GCNT4: variants seen among roughly 807,000 people sequenced by gnomAD.
GCNT4 encodes glucosaminyl (N-acetyl) transferase 4.
A neutral mutation model predicts 31.3 loss-of-function variants in GCNT4; 17 were observed. The observed-to-expected ratio is 0.54, with a 90% CI of 0.37 to 0.81. The LOEUF (loss-of-function observed/expected upper bound fraction) is 0.81. Among genes scored for constraint, GCNT4 ranks in the 40% least tolerant of loss-of-function variants. The probability of loss-of-function intolerance (pLI) is 0.00; values close to 1 mark genes in which losing one functional copy is unlikely to be tolerated. For synonymous variants in GCNT4, 158 were observed against 190.6 expected (o/e 0.83, Z 1.41); for missense variants, 503 against 525.5 (o/e 0.96, Z 0.42).
At chr5:75,049,424 GT>G (rs1473364287) in intron 2 of GCNT4, among the ~76,000 whole-genome samples, 1 of 152,018 alleles carries the variant, frequency 6.6e-6, no homozygotes, top group African/African-American at 2.4e-5. Context: ...ATCCAATCCT[GT>G]CTCCAAATGC....
chr5:75,032,897 G>GTGTGTGTGTA (rs1743101670), intron 3 of GCNT4, among the ~76,000 whole-genome samples: 1 of 112,538 alleles, frequency 8.9e-6, no homozygotes, highest in Non-Finnish European at 2.1e-5. Context: ...GTGTGTGTGT[G>GTGTGTGTGTA]TGTGTGTGTG....
chr5:75,029,972 G>T lies in GCNT4; in HGVS notation c.66C>A (p.Thr22=). 6.2e-7 allele frequency: 1 copy of T among 1,612,620 alleles called. No homozygotes were observed. Among genetic ancestry groups the T allele is most frequent in the South Asian group, 1.1e-5 (1 of 90,594 alleles). ...GCTTTAACAAAGAGAGCAGCCATAG[G>T]GTTAAAAACAGGATGAAAACTTTCT... ...LQQKVFILFL[T]LWLLSLLKLL... Residue 22 remains threonine, a synonymous_variant, in exon 4 of 4, where the codon ACC becomes ACA. Transcript: ENST00000652361.
upstream of GCNT4, chr5:75,052,944 G>C (rs1743615195): frequency 6.6e-6 from 1 of 152,118 alleles, no homozygotes; most frequent in South Asian, 2.1e-4. Flanking sequence ...CCCTGCTCCC[G>C]GCAAGGGCGC....
At position 75,029,008 on chromosome 5, in the gene GCNT4, G is replaced by A. The variant is rs776297225; in HGVS notation, c.1030C>T (p.Arg344Trp). The A allele has an allele frequency of 9.3e-6, 15 of 1,613,942 alleles. No individual in the cohort carries two copies. Among genetic ancestry groups the A allele is most frequent in the African/African-American group, 2.7e-5 (2 of 74,898 alleles). ...ATCTCCCCAGGTATTCCTGGAACCC[G>A]AATCAAGGTAGCCCAAAAGTGCTCA... is the stretch of plus-strand genomic sequence containing the variant. ...PDEHFWATLI[R>W]VPGIPGEISR... The change falls in exon 4 of 4, where the codon CGG becomes TGG. Residue 344 changes from arginine (R) to tryptophan (W), a missense_variant. Coordinates refer to ENST00000652361, the MANE Select transcript of GCNT4 (RefSeq NM_001366737.1).
chr5:75,044,253 GT>G (rs1257085411), intron 3 of GCNT4, among the ~76,000 whole-genome samples: 2 of 152,066 alleles, frequency 1.3e-5, no homozygotes, highest in Non-Finnish European at 2.9e-5. Flanking sequence ...ATGTTGAATA[GT>G]TCTGAGCCAC....
chr5:75,029,488 A>T lies in GCNT4; in HGVS notation c.550T>A (p.Ser184Thr). Reference sequence around the variant, plus strand: ...AATTTGGAAGCAATGAAAATATTGGAGAAGCACTTAGCTAAATTGTTCATG... The same window carrying T: ...AATTTGGAAGCAATGAAAATATTGGTGAAGCACTTAGCTAAATTGTTCATG... ...VAMNNLAKCFSNIFIASKLEA... is the reference protein window; with the variant it reads ...VAMNNLAKCFTNIFIASKLEA... The change falls in exon 4 of 4, where the codon TCC (serine) becomes ACC (threonine). Residue 184 changes from serine to threonine, a missense_variant. By Grantham distance (58) the Ser-to-Thr change is moderately conservative. Transcript: ENST00000652361. The T allele has an allele frequency of 6.2e-7, 1 of 1,614,110 alleles. No individual in the cohort carries two copies. Among genetic ancestry groups the T allele is most frequent in the Non-Finnish European group, 8.5e-7 (1 of 1,180,022 alleles).
chr5:75,021,363 G>A (rs562270709), downstream of GCNT4, among the ~76,000 whole-genome samples: 1 of 152,312 alleles, frequency 6.6e-6, no homozygotes, highest in Admixed American at 6.5e-5. Context: ...CAAGAGCCCT[G>A]ATTAGCCCCG....
intron 3 of GCNT4, among the ~76,000 whole-genome samples, chr5:75,035,739 A>G (rs923103232): frequency 6.6e-6 from 1 of 152,212 alleles, no homozygotes; most frequent in African/African-American, 2.4e-5. Context: ...TGCAGCTCCC[A>G]GAGGGATGGG....
intron 3 of GCNT4, among the ~76,000 whole-genome samples, chr5:75,032,424 C>T (rs113868032): frequency 1.3e-5 from 2 of 152,298 alleles, no homozygotes; most frequent in South Asian, 2.1e-4. Flanking sequence ...ACCTCGCCTG[C>T]GTCTTCTGTC....
downstream of GCNT4, among the ~76,000 whole-genome samples, chr5:75,021,046 T>A (rs912465048): frequency 6.6e-6 from 1 of 152,202 alleles, no homozygotes; most frequent in Non-Finnish European, 1.5e-5. Context: ...TTTAATTTAA[T>A]TTTGTGTAAA....
rs1743002333 is a variant in GCNT4 at position 75,028,890 on chromosome 5, G to A, written c.1148C>T (p.Thr383Ile). The change falls in exon 4 of 4, where the codon ACT becomes ATT. Residue 383 changes from threonine to isoleucine, a missense_variant. Coordinates refer to ENST00000652361, the MANE Select transcript of GCNT4 (RefSeq NM_001366737.1). ...YYEGFFYPSC[T>I]GSHLRSVCIY... ...ACACACGCTTCGAAGGTGAGATCCA[G>A]TACAACTGGGATAGAAAAAGCCTTC... 1 of 1,613,898 alleles carries A rather than the reference G, an allele frequency of 6.2e-7. No homozygotes were observed.
Position 75,035,287 on chromosome 5 carries a change from A to G in GCNT4, c.-1-5249T>C, listed in dbSNP as rs149600442. ...GGCAATTTAAAAACCCAGGACTTTC[A>G]AAGAAGTACAGATGCTTCCTTTCCC... On this transcript the variant is annotated intron_variant, in intron 3 of 3. Coordinates refer to ENST00000652361, the MANE Select transcript of GCNT4 (RefSeq NM_001366737.1). Among the ~76,000 whole-genome samples, 458 of 152,384 alleles carry G rather than the reference A, an allele frequency of 3.0e-3. 3 individuals are homozygous for G. Among genetic ancestry groups the G allele is most frequent in the African/African-American group, 0.011 (439 of 41,594 alleles).
intron 3 of GCNT4, among the ~76,000 whole-genome samples, chr5:75,033,052 T>C (rs530917339): frequency 3.3e-5 from 5 of 152,310 alleles, no homozygotes; most frequent in African/African-American, 1.2e-4. Flanking sequence ...AGTCTCTAAT[T>C]AATGTTAGCA....
rs1369308036 is a variant in GCNT4 at position 75,028,346 on chromosome 5, C to T, written c.*330G>A. ...TGTTATGTGGAGAACTTAAAGATAC[C>T]GAGGTTGCTATGATGAGGATAAGCC... On this transcript the variant is annotated 3_prime_UTR_variant, in exon 4 of 4. Transcript: ENST00000652361. 1.3e-5 allele frequency: 3 copies of T among 235,414 alleles called. No homozygotes were observed. Among genetic ancestry groups the T allele is most frequent in the Non-Finnish European group, 1.6e-5 (2 of 122,466 alleles). 14.6% of individuals were successfully genotyped at this position (235,414 alleles called of 1,614,324 possible).
At chr5:75,041,591 T>G (rs1283547351) in intron 3 of GCNT4, among the ~76,000 whole-genome samples, 2 of 152,164 alleles carry the variant, frequency 1.3e-5, no homozygotes, top group African/African-American at 4.8e-5. Context: ...AAAGGACCTG[T>G]AAGATTACAT....
intron 3 of GCNT4, among the ~76,000 whole-genome samples, chr5:75,043,088 ATTAAG>A (rs1743355654): frequency 6.6e-6 from 1 of 152,240 alleles, no homozygotes; most frequent in South Asian, 2.1e-4. Flanking sequence ...CGTAGTTTTA[ATTAAG>A]TTAACAGGTC....
chr5:75,035,456 G>A lies in GCNT4; in HGVS notation c.-1-5418C>T, dbSNP rs375993267. Among the ~76,000 whole-genome samples the A allele has an allele frequency of 1.7e-4, 26 of 152,318 alleles. No homozygotes were observed. In the East Asian group the frequency reaches 1.9e-3, roughly 11 times the overall value. ...GCACTGGGGAGAGAGGAAGAAAGGA[G>A]CTGCGCTTCAGGATGCCACAGACCT... On this transcript the variant is annotated intron_variant, in intron 3 of 3. Transcript: ENST00000652361.
At chr5:75,030,093 G>C (rs572766477) in intron 3 of GCNT4, 55 bp from the exon 4 acceptor site, 1 of 1,508,458 alleles carries the variant, frequency 6.6e-7, no homozygotes, top group Non-Finnish European at 8.9e-7. Context: ...AATCAGGTCA[G>C]TTTATCCAAA....
intron 3 of GCNT4, among the ~76,000 whole-genome samples, chr5:75,043,532 T>A (rs1382758394): frequency 6.6e-6 from 1 of 152,112 alleles, no homozygotes; most frequent in African/African-American, 2.4e-5. Context: ...GGTACGCCAT[T>A]TTGTTCTTTC....
Sources: allele counts gnomAD v4.1 joint callset (sites outside exome capture counted in the v4.1 genomes callset), GRCh38; gene constraint gnomAD v4.1.1; transcripts MANE v1.5; gene names NCBI Gene and HGNC (gene_info 2026-07-23, HGNC 2026-07-21).